DCAKD: variants seen among roughly 807,000 people sequenced by gnomAD.
The protein encoded by DCAKD is dephospho-CoA kinase domain containing, also known as dephospho-CoA kinase domain-containing protein.
A neutral mutation model predicts 18.7 loss-of-function variants in DCAKD; 15 were observed. The observed-to-expected ratio is 0.80, with a 90% CI of 0.54 to 1.24. The LOEUF (loss-of-function observed/expected upper bound fraction) is 1.24. Among genes scored for constraint, DCAKD ranks in the 50% most tolerant of loss-of-function variants. DCAKD has a pLI of 0.00. For synonymous variants in DCAKD, 130 were observed against 133.0 expected, an observed-to-expected ratio of 0.98 and a Z score of 0.16; for missense variants, 301 against 322.0, an observed-to-expected ratio of 0.93 and a Z score of 0.50.
At chr17:45,025,815 G>C (rs916385274) in intron 4 of DCAKD, among the ~76,000 whole-genome samples, 2 of 138,728 alleles carry the variant, frequency 1.4e-5, no homozygotes, top group East Asian at 2.1e-4. Flanking sequence ...GCAGTGGCGT[G>C]ATCTTGGCTC....
In DCAKD at chr17:45,023,587, A is replaced by T. The variant is rs555127169; in HGVS notation, c.*846T>A. 1 of 134,494 alleles carries T rather than the reference A, an allele frequency of 7.4e-6. No homozygotes were observed. The highest frequency in any genetic ancestry group is 1.6e-5 in the Non-Finnish European group (1 of 63,852). The allele number at this position is 134,494 out of a possible 1,614,324, so 8.3% of individuals were successfully genotyped here. On this transcript the variant is annotated 3_prime_UTR_variant, in exon 5 of 5. Transcript: ENST00000651974. ...GGGGCTTTAGACAGTGCCTGAACTG[A>T]GAGCTAGTTGTAGGTTAAAAAAAAA...
intron 1 of DCAKD, among the ~76,000 whole-genome samples, chr17:45,044,076 G>C (rs2053505402): frequency 6.6e-6 from 1 of 152,130 alleles, no homozygotes; most frequent in Admixed American, 6.5e-5. Flanking sequence ...CCTTTGAAAT[G>C]CAAGTCAGAT....
intron 1 of DCAKD, among the ~76,000 whole-genome samples, chr17:45,046,561 A>G (rs1597977003): frequency 7.0e-6 from 1 of 143,338 alleles, no homozygotes; most frequent in Non-Finnish European, 1.5e-5. Flanking sequence ...GGTTGCAGTG[A>G]GCCGAGATCG....
chr17:45,056,484 T>C (rs546167864), upstream of DCAKD, among the ~76,000 whole-genome samples: 68 of 152,188 alleles, frequency 4.5e-4, no homozygotes, highest in African/African-American at 1.2e-3. Flanking sequence ...ATATATTTTT[T>C]TTTTCCCAAG....
At chr17:45,030,222 G>A (rs749485783) in intron 3 of DCAKD, 43 bp from the exon 4 acceptor site, 292 of 1,553,996 alleles carry the variant, frequency 1.9e-4, no homozygotes, top group Non-Finnish European at 2.4e-4. Context: ...TTCTGCAAGC[G>A]CACACTGAGG....
intron 4 of DCAKD, among the ~76,000 whole-genome samples, chr17:45,025,488 C>T (rs916331502): frequency 6.6e-6 from 1 of 152,092 alleles, no homozygotes; most frequent in South Asian, 2.1e-4. Flanking sequence ...CCTCCTTCAC[C>T]CACCCTGAGG....
rs532717179 is a variant in DCAKD, at chr17:45,027,038, A to G, written c.405-2314T>C. Among the ~76,000 whole-genome samples, 38 of 152,358 alleles carry G rather than the reference A, an allele frequency of 2.5e-4. 1 individual carries two copies. The highest frequency in any genetic ancestry group is 1.4e-3 in the Admixed American group (22 of 15,294). Reference sequence around the variant, plus strand: ...TTTACCCACTTATTCCACAATTGACAAATTTTTCAAAAACATGAAATTGGC... The same window carrying G: ...TTTACCCACTTATTCCACAATTGACGAATTTTTCAAAAACATGAAATTGGC... On this transcript the variant is annotated intron_variant, in intron 4 of 4. Coordinates refer to ENST00000651974, the MANE Select transcript of DCAKD (RefSeq NM_001288655.2).
At chr17:45,058,288 G>A (rs574403744) in intron 1 of DCAKD, among the ~76,000 whole-genome samples, 6 of 152,162 alleles carry the variant, frequency 3.9e-5, no homozygotes, top group East Asian at 3.9e-4. Flanking sequence ...GCACTCCAGC[G>A]TAGGCGACAG....
At chr17:45,052,792 G>A (rs1450496980), upstream of DCAKD, among the ~76,000 whole-genome samples, 1 of 152,008 alleles carries the variant, frequency 6.6e-6, no homozygotes, top group Non-Finnish European at 1.5e-5. Context: ...GAGCCCAGGA[G>A]GTCAAGGCTG....
rs199988811 is a variant in DCAKD, at chr17:45,024,438, C to T, written c.691G>A (p.Ala231Thr). The T allele has an allele frequency of 1.1e-4, 175 of 1,600,826 alleles. 1 individual carries two copies. The African/African-American group carries it at 1.9e-3, about 17-fold the overall frequency. The change falls in exon 5 of 5, where the codon GCC (alanine) becomes ACC (threonine). Residue 231 changes from alanine (A) to threonine (T), a missense_variant. By Grantham distance (58) the Ala-to-Thr change is moderately conservative. Coordinates refer to ENST00000651974, the MANE Select transcript of DCAKD (RefSeq NM_001288655.2). ...YLLTHYLLPY[A>T] Reference sequence around the variant, plus strand: ...TCCCTGCCTTGAGTGCCCCACTAGGCGTAAGGCAGAAGGTAGTGGGTGAGC... The same window carrying T: ...TCCCTGCCTTGAGTGCCCCACTAGGTGTAAGGCAGAAGGTAGTGGGTGAGC...
At chr17:45,042,405 C>A (rs1740409658) in intron 1 of DCAKD, among the ~76,000 whole-genome samples, 1 of 152,164 alleles carries the variant, frequency 6.6e-6, no homozygotes, top group Non-Finnish European at 1.5e-5. Context: ...TCCTTCTCAT[C>A]CCCCATTCAA....
upstream of DCAKD, among the ~76,000 whole-genome samples, chr17:45,052,872 A>T (rs1233575298): frequency 6.6e-6 from 1 of 151,706 alleles, no homozygotes; most frequent in East Asian, 1.9e-4. Context: ...CAAAAAAAAT[A>T]AAGCATCTAG....
Position 45,024,626 on chromosome 17 carries a change from T to TGGGCA in DCAKD, c.502_503insTGCCC (p.Lys168MetfsTer11), listed in dbSNP as rs754106700. On this transcript the variant is annotated frameshift_variant, in exon 5 of 5. Transcript: ENST00000651974. LOFTEE classifies it high-confidence loss of function. ...TAGGACATGGCGGGCCATGCGGGCCTTGTCTGTCAGGGGCAGCTGGGCATT... is the reference window on the plus strand; with the variant it reads ...TAGGACATGGCGGGCCATGCGGGCCTGGGCATGTCTGTCAGGGGCAGCTGGGCATT... 4 of 1,613,864 alleles carry TGGGCA rather than the reference T, an allele frequency of 2.5e-6. No homozygotes were observed. The highest frequency in any genetic ancestry group is 2.5e-6 in the Non-Finnish European group (3 of 1,179,774).
intron 1 of DCAKD, among the ~76,000 whole-genome samples, chr17:45,046,691 G>A (rs971988059): frequency 6.7e-6 from 1 of 149,476 alleles, no homozygotes; most frequent in Non-Finnish European, 1.5e-5. Context: ...ACAGGAGAAT[G>A]AGAACACTTA....
intron 3 of DCAKD, chr17:45,031,938 C>T: frequency 1.0e-5 from 10 of 985,416 alleles, no homozygotes; most frequent in Non-Finnish European, 1.2e-5. Context: ...CTGTCGTCCT[C>T]ATTTTTCACC....
intron 1 of DCAKD, among the ~76,000 whole-genome samples, chr17:45,058,941 T>C (rs1284155272): frequency 1.3e-5 from 2 of 152,042 alleles, no homozygotes; most frequent in African/African-American, 2.4e-5. Context: ...GCCATTGATA[T>C]AAAAACAGAG....
At chr17:45,033,471 T>C (rs2053215971) in intron 3 of DCAKD, among the ~76,000 whole-genome samples, 1 of 151,866 alleles carries the variant, frequency 6.6e-6, no homozygotes, top group Non-Finnish European at 1.5e-5. Context: ...TTGGATTTTT[T>C]CTTTTTTTTG....
At chr17:45,026,004 T>C (rs2053047411) in intron 4 of DCAKD, among the ~76,000 whole-genome samples, 1 of 151,922 alleles carries the variant, frequency 6.6e-6, no homozygotes, top group Non-Finnish European at 1.5e-5. Flanking sequence ...CTGTAGCCTC[T>C]GTCTCTTGGG....
intron 3 of DCAKD, chr17:45,030,904 C>T: frequency 1.1e-6 from 1 of 920,128 alleles, no homozygotes; most frequent in Non-Finnish European, 1.3e-6. Context: ...GGACCTCCCA[C>T]CACAAGCCAA....
Sources: allele counts gnomAD v4.1 joint callset (sites outside exome capture counted in the v4.1 genomes callset), GRCh38; gene constraint gnomAD v4.1.1; transcripts MANE v1.5; gene names NCBI Gene and HGNC (gene_info 2026-07-23, HGNC 2026-07-21).